The following EPAS1 variants were observed in gnomAD, a reference collection of about 807,000 sequenced individuals.
EPAS1 encodes endothelial PAS domain protein 1.
Under a neutral mutation model 87.9 loss-of-function variants are expected in EPAS1, and 23 were observed. That is an observed-to-expected ratio of 0.26 (90% CI 0.19 to 0.37). The LOEUF is 0.37. Among genes scored for constraint, EPAS1 ranks in the 10% least tolerant of loss-of-function variants. EPAS1 has a pLI of 1.00. For synonymous variants in EPAS1, 508 were observed against 444.3 expected, an observed-to-expected ratio of 1.14 and a Z score of -1.80; for missense variants, 1,138 against 1,120.7, an observed-to-expected ratio of 1.02 and a Z score of -0.22.
intron 2 of EPAS1, among the ~76,000 whole-genome samples, chr2:46,349,779 T>C (rs76242811): frequency 0.018 from 2,700 of 152,344 alleles, 82 homozygotes; most frequent in African/African-American, 0.061. Context: ...TAAGTTATTT[T>C]CAGAAATTGT....
Position 46,346,897 on chromosome 2 carries a change from G to T in EPAS1, c.51G>T (p.Glu17Asp), listed in dbSNP as rs1171890370. 3.7e-6 allele frequency: 6 copies of T among 1,614,098 alleles called. No individual in the cohort carries two copies. Among genetic ancestry groups the T allele is most frequent in the Non-Finnish European group, 5.1e-6 (6 of 1,180,030 alleles). Reference sequence around the variant, plus strand: ...GGAGTAGCTCGGAGAGGAGGAAGGAGAAGTCCCGGGATGCTGCGCGGTGCC... The same window carrying T: ...GGAGTAGCTCGGAGAGGAGGAAGGATAAGTCCCGGGATGCTGCGCGGTGCC... ...KKRSSSERRKEKSRDAARCRR... is the reference protein window; with the variant it reads ...KKRSSSERRKDKSRDAARCRR... The change falls in exon 2 of 16, where the codon GAG becomes GAT. Residue 17 changes from glutamate to aspartate, a missense_variant. By Grantham distance (45) the Glu-to-Asp change is conservative. Coordinates refer to ENST00000263734, the MANE Select transcript of EPAS1 (RefSeq NM_001430.5). The surrounding 1 kb of genome is among the most constrained non-coding windows in gnomAD (Gnocchi z 4.0).
At position 46,378,559 on chromosome 2, in the gene EPAS1, A is replaced by G. The variant is rs1024480081; in HGVS notation, c.1444-98A>G. ...TAGTTGTGTGGTGGAATGGAATTGAACCTTTGGGTCCAGGAAGGTATTTCT... is the reference window on the plus strand; with the variant it reads ...TAGTTGTGTGGTGGAATGGAATTGAGCCTTTGGGTCCAGGAAGGTATTTCT... On this transcript the variant is annotated intron_variant, in intron 10 of 15. Coordinates refer to ENST00000263734, the MANE Select transcript of EPAS1 (RefSeq NM_001430.5). The G allele has an allele frequency of 5.0e-6, 5 of 990,868 alleles. No individual in the cohort carries two copies. In the African/African-American group the frequency reaches 7.9e-5, roughly 16 times the overall value. The allele number at this position is 990,868 out of a possible 1,614,324, so 61.4% of individuals were successfully genotyped here.
At chr2:46,340,284 C>G (rs1683885577) in intron 1 of EPAS1, among the ~76,000 whole-genome samples, 1 of 151,904 alleles carries the variant, frequency 6.6e-6, no homozygotes, top group African/African-American at 2.4e-5. Flanking sequence ...GAGGGCCATG[C>G]TGGGTGAGCC....
Position 46,360,846 on chromosome 2 carries a change from C to T in EPAS1, c.574-39C>T. The T allele has an allele frequency of 1.9e-6, 3 of 1,613,880 alleles. No individual in the cohort carries two copies. The highest frequency in any genetic ancestry group is 2.5e-6 in the Non-Finnish European group (3 of 1,179,760). Reference sequence around the variant, plus strand: ...TAAGGCCCTACCCCCACCCCCAGCACTCTCGGCTCCATGTCTGACCCTTCC... The same window carrying T: ...TAAGGCCCTACCCCCACCCCCAGCATTCTCGGCTCCATGTCTGACCCTTCC... On this transcript the variant is annotated intron_variant, in intron 5 of 15. Coordinates refer to ENST00000263734, the MANE Select transcript of EPAS1 (RefSeq NM_001430.5). The surrounding 1 kb of genome is among the most constrained non-coding windows in gnomAD (Gnocchi z 4.5).
intron 1 of EPAS1, among the ~76,000 whole-genome samples, chr2:46,337,361 A>G (rs1294104980): frequency 6.6e-6 from 1 of 152,172 alleles, no homozygotes; most frequent in African/African-American, 2.4e-5. Flanking sequence ...ATCTTGAAAT[A>G]TGAGCCTAAT....
chr2:46,365,817 T>C (rs1411902271), intron 6 of EPAS1, among the ~76,000 whole-genome samples: 1 of 152,106 alleles, frequency 6.6e-6, no homozygotes, highest in African/African-American at 2.4e-5. Context: ...TCAAAGCTTA[T>C]AAGCACATAT....
intron 14 of EPAS1, 61 bp downstream of exon 14, chr2:46,382,150 G>T: frequency 6.7e-7 from 1 of 1,499,532 alleles, no homozygotes. Context: ...TGGGGCTCGG[G>T]AGCCCATCCT....
chr2:46,369,168 C>A (rs147227986), intron 6 of EPAS1, among the ~76,000 whole-genome samples: 189 of 152,242 alleles, frequency 1.2e-3, no homozygotes, highest in African/African-American at 4.4e-3. Context: ...CCTTGCCTCC[C>A]TCGTTTCCTT....
intron 1 of EPAS1, among the ~76,000 whole-genome samples, chr2:46,323,062 C>T (rs770896377): frequency 3.9e-5 from 6 of 152,166 alleles, no homozygotes; most frequent in East Asian, 1.9e-4. Flanking sequence ...GAGGGAAGAG[C>T]GTGGTAGATT....
rs113305133 is a variant in EPAS1, at chr2:46,325,905, A to G, written c.27-20968A>G. Among the ~76,000 whole-genome samples, 1,042 of 152,316 alleles carry G rather than the reference A, an allele frequency of 6.8e-3. 12 individuals carry two copies. Among genetic ancestry groups the G allele is most frequent in the African/African-American group, 0.023 (950 of 41,552 alleles). On this transcript the variant is annotated intron_variant, in intron 1 of 15. Transcript: ENST00000263734. ...AGTGAAAGCCCCTTACCTTCACCCC[A>G]TTTAAATCCTGAAGAGGGAAAGTAG...
At position 46,297,890 on chromosome 2, in the gene EPAS1, G is replaced by T. The variant is rs771700438; in HGVS notation, c.-22G>T. 1.2e-6 allele frequency: 2 copies of T among 1,610,320 alleles called. No individual in the cohort carries two copies. The highest frequency in any genetic ancestry group is 2.2e-5 in the South Asian group (2 of 90,672). ...GAGCCCAGGTGCTCGGCGTCTGAAC[G>T]TCTCAAAGGGCCACAGCGACAATGA... On this transcript the variant is annotated 5_prime_UTR_variant, in exon 1 of 16. Coordinates refer to ENST00000263734, the MANE Select transcript of EPAS1 (RefSeq NM_001430.5).
chr2:46,305,883 C>A (rs1378542241), intron 1 of EPAS1, among the ~76,000 whole-genome samples: 1 of 152,086 alleles, frequency 6.6e-6, no homozygotes, highest in Non-Finnish European at 1.5e-5. Context: ...TGAAGGTAAC[C>A]CCCATTGCCC....
At chr2:46,357,497 AG>A (rs1300952979) in intron 4 of EPAS1, among the ~76,000 whole-genome samples, 1 of 152,204 alleles carries the variant, frequency 6.6e-6, no homozygotes, top group African/African-American at 2.4e-5. Flanking sequence ...GGCTCCCAGA[AG>A]CACTAAAGTG....
chr2:46,347,015 ATGCGACTGGCAATCAGCTTCC>A lies in EPAS1; in HGVS notation c.175_195del (p.Leu59_Arg65del). The A allele has an allele frequency of 6.2e-7, 1 of 1,614,220 alleles. No homozygotes were observed. Among genetic ancestry groups the A allele is most frequent in the Non-Finnish European group, 8.5e-7 (1 of 1,180,028 alleles). On this transcript the variant is annotated inframe_deletion, in exon 2 of 16. Transcript: ENST00000263734. The surrounding 1 kb of genome is among the most constrained non-coding windows in gnomAD (Gnocchi z 4.2). ...CTCCCATCTGGACAAGGCCTCCATC[ATGCGACTGGCAATCAGCTTCC>A]TGCGAACACACAAGCTCCTCTCCTC...
At chr2:46,303,600 A>G (rs1196851248) in intron 1 of EPAS1, among the ~76,000 whole-genome samples, 1 of 152,176 alleles carries the variant, frequency 6.6e-6, no homozygotes, top group African/African-American at 2.4e-5. Context: ...AAGAAGGGAG[A>G]GGGAGCTTCT....
intron 14 of EPAS1, 134 bp downstream of exon 14, chr2:46,382,223 CCT>C: frequency 9.5e-7 from 1 of 1,049,830 alleles, no homozygotes; most frequent in Middle Eastern, 2.4e-4. Context: ...GGGGCGATGT[CCT>C]CTGTCTCTCC....
chr2:46,329,106 G>A (rs1683619970), intron 1 of EPAS1, among the ~76,000 whole-genome samples: 1 of 152,178 alleles, frequency 6.6e-6, no homozygotes, highest in African/African-American at 2.4e-5. Context: ...AGAGCTTCCT[G>A]GGTTTTTAAA....
At position 46,297,633 on chromosome 2, in the gene EPAS1, TC is replaced by T; in HGVS notation, c.-277del. 1 of 499,040 alleles carries T rather than the reference TC, an allele frequency of 2.0e-6. No individual in the cohort carries two copies. Among genetic ancestry groups the T allele is most frequent in the Non-Finnish European group, 3.6e-6 (1 of 278,282 alleles). The allele number at this position is 499,040 out of a possible 1,614,324, so 30.9% of individuals were successfully genotyped here. A position where few individuals can be genotyped will look rare whatever the true frequency, so the allele number is the denominator to read the frequency against. On this transcript the variant is annotated 5_prime_UTR_variant, in exon 1 of 16. The change abolishes the stop of an existing upstream ORF in the 5' untranslated region. Coordinates refer to ENST00000263734, the MANE Select transcript of EPAS1 (RefSeq NM_001430.5). Reference sequence around the variant, plus strand: ...AAAAAGGAACTTGGGTTCCCTTCTCTCCGTCCTCTTTTCGGGTCTGACAGCC... The same window carrying T: ...AAAAAGGAACTTGGGTTCCCTTCTCTCGTCCTCTTTTCGGGTCTGACAGCC...
intron 1 of EPAS1, among the ~76,000 whole-genome samples, chr2:46,304,381 A>G (rs939259089): frequency 2.0e-5 from 3 of 152,200 alleles, no homozygotes; most frequent in Non-Finnish European, 2.9e-5. Flanking sequence ...CCCAGAGTCT[A>G]TACTCTCAAT....
Sources: allele counts gnomAD v4.1 joint callset (sites outside exome capture counted in the v4.1 genomes callset), GRCh38; gene constraint gnomAD v4.1.1; non-coding constraint Gnocchi (gnomAD v3.1); transcripts MANE v1.5; gene names NCBI Gene and HGNC (gene_info 2026-07-23, HGNC 2026-07-21).